Variants in ERGIC1 observed in about 807,000 individuals in gnomAD.
ERGIC1 encodes the protein endoplasmic reticulum-golgi intermediate compartment 1.
Under a neutral mutation model 38.3 loss-of-function variants are expected in ERGIC1, and 19 were observed. The ratio of observed to expected loss-of-function variants is 0.50; its 90% CI spans 0.35 to 0.73. The LOEUF (loss-of-function observed/expected upper bound fraction) is 0.73, where lower values mean the gene tolerates loss of function less well. ERGIC1 is among the 30% of genes least tolerant of loss of function. ERGIC1 has a pLI of 0.01. For synonymous variants in ERGIC1, 124 were observed against 157.6 expected (o/e 0.79, Z 1.60); for missense variants, 294 against 389.2 (o/e 0.76, Z 2.06).
chr5:172,917,191 T>C (rs1317142368), intron 5 of ERGIC1: 1 of 152,246 alleles, frequency 6.6e-6, no homozygotes, highest in Admixed American at 6.5e-5. Flanking sequence ...TTTCTAGACA[T>C]GGAAGCTTAG....
intron 9 of ERGIC1, among the ~76,000 whole-genome samples, chr5:172,949,666 A>AGGGC (rs1347291629): frequency 8.3e-6 from 1 of 120,976 alleles, no homozygotes; most frequent in African/African-American, 3.1e-5. Flanking sequence ...GGGGGGGGGT[A>AGGGC]TGATTGGCAT....
chr5:172,915,659 C>T (rs1317912880), intron 5 of ERGIC1: 1 of 470,998 alleles, frequency 2.1e-6, no homozygotes, highest in Non-Finnish European at 4.4e-6. Flanking sequence ...TGGAGCCTCT[C>T]AACAACGCTG....
chr5:172,889,433 A>G (rs756714399), intron 2 of ERGIC1, among the ~76,000 whole-genome samples: 3 of 152,070 alleles, frequency 2.0e-5, no homozygotes, highest in African/African-American at 7.2e-5. Context: ...TCTCATCCAG[A>G]CTTTGGGTTC....
Position 172,926,806 on chromosome 5 carries a change from G to A in ERGIC1, c.541+237G>A, listed in dbSNP as rs945123591. Reference sequence around the variant, plus strand: ...CCCGGGGCACAGCAGACGCACGCACGCAGTGGATACCAGCTATTACCATTA... The same window carrying A: ...CCCGGGGCACAGCAGACGCACGCACACAGTGGATACCAGCTATTACCATTA... On this transcript the variant is annotated intron_variant, in intron 7 of 9. Transcript: ENST00000393784. The surrounding 1 kb of genome is among the most constrained non-coding windows in gnomAD (Gnocchi z 5.2). The A allele has an allele frequency of 8.9e-6, 5 of 559,908 alleles. No homozygotes were observed. Among genetic ancestry groups the A allele is most frequent in the African/African-American group, 1.9e-5 (1 of 53,114 alleles). 34.7% of individuals were successfully genotyped at this position (559,908 alleles called of 1,614,324 possible).
At chr5:172,861,335 A>G (rs764579583) in intron 1 of ERGIC1, among the ~76,000 whole-genome samples, 5 of 152,070 alleles carry the variant, frequency 3.3e-5, no homozygotes, top group Non-Finnish European at 7.4e-5. Flanking sequence ...GCTCTGTCAG[A>G]CCCACGTGTT....
chr5:172,915,442 G>T (rs1180355476), intron 5 of ERGIC1: 1 of 408,180 alleles, frequency 2.4e-6, no homozygotes, highest in South Asian at 1.9e-5. Context: ...GCCAAGGGGA[G>T]TGAGATGAGG....
In ERGIC1 at chr5:172,897,012, C is replaced by T; in HGVS notation, c.93C>T (p.Cys31=). The change falls in exon 3 of 10, where the codon TGC becomes TGT. Residue 31 remains cysteine (C), a synonymous_variant. Coordinates refer to ENST00000393784, the MANE Select transcript of ERGIC1 (RefSeq NM_001031711.3). ...TGTTGTTTCTTCCAGTCTCCATCTG[C>T]TGCTGCCTCTTCATCCTCTTCCTCT... The part of the protein sequence containing the change: ...PTYTGAIISI[C]CCLFILFLFL... The T allele has an allele frequency of 6.2e-7, 1 of 1,614,176 alleles. No homozygotes were observed. Among genetic ancestry groups the T allele is most frequent in the Non-Finnish European group, 8.5e-7 (1 of 1,180,014 alleles).
chr5:172,858,136 T>C (rs1761602376), intron 1 of ERGIC1, among the ~76,000 whole-genome samples: 1 of 152,160 alleles, frequency 6.6e-6, no homozygotes, highest in South Asian at 2.1e-4. Flanking sequence ...TTGACGGCTG[T>C]CTGAAAGGTG....
chr5:172,879,808 T>C lies in ERGIC1; in HGVS notation c.21-8891T>C, dbSNP rs1010073908. ...CAGAGCTTCCCAGCCTCAACCCTATTGACACTTGGGGCTGGTCATTCTTTG... is the reference window on the plus strand; with the variant it reads ...CAGAGCTTCCCAGCCTCAACCCTATCGACACTTGGGGCTGGTCATTCTTTG... On this transcript the variant is annotated intron_variant, in intron 1 of 9. Coordinates refer to ENST00000393784, the MANE Select transcript of ERGIC1 (RefSeq NM_001031711.3). Among the ~76,000 whole-genome samples, 3 of 152,200 alleles carry C rather than the reference T, an allele frequency of 2.0e-5. No homozygotes were observed. In the East Asian group the frequency reaches 5.8e-4, roughly 29 times the overall value.
At chr5:172,940,103 C>T (rs996524284) in intron 9 of ERGIC1, among the ~76,000 whole-genome samples, 1 of 151,894 alleles carries the variant, frequency 6.6e-6, no homozygotes, top group East Asian at 1.9e-4. Flanking sequence ...GGCTGGGAGG[C>T]AGCTGTGGGT....
intron 1 of ERGIC1, among the ~76,000 whole-genome samples, chr5:172,869,282 C>T (rs986203668): frequency 2.6e-5 from 4 of 152,210 alleles, no homozygotes; most frequent in Non-Finnish European, 5.9e-5. Flanking sequence ...GGAGGCTGGC[C>T]TCACCCCTGC....
intron 1 of ERGIC1, among the ~76,000 whole-genome samples, chr5:172,871,256 C>T (rs1339872518): frequency 6.6e-6 from 1 of 152,210 alleles, no homozygotes; most frequent in South Asian, 2.1e-4. Context: ...AGACCTCTGA[C>T]CTCACTGGCC....
intron 9 of ERGIC1, among the ~76,000 whole-genome samples, chr5:172,944,884 C>T (rs1764088988): frequency 6.6e-6 from 1 of 152,236 alleles, no homozygotes; most frequent in African/African-American, 2.4e-5. Flanking sequence ...ACCTTTTCAT[C>T]AGCACTGCCT....
At chr5:172,912,720 A>G (rs1168529757) in intron 4 of ERGIC1, among the ~76,000 whole-genome samples, 2 of 151,668 alleles carry the variant, frequency 1.3e-5, no homozygotes, top group Admixed American at 6.6e-5. Context: ...AGGCACTTAG[A>G]AGAGAGTCTA....
rs765431454 is a variant in ERGIC1 at position 172,932,547 on chromosome 5, G to A, written c.642+11G>A. On this transcript the variant is annotated intron_variant, in intron 8 of 9. Coordinates refer to ENST00000393784, the MANE Select transcript of ERGIC1 (RefSeq NM_001031711.3). Reference sequence around the variant, plus strand: ...ACGGTGGCCAACAAGGTGCGCGGGCGGTGGCTGGGCCGAGCTGTGTGCGGC... The same window carrying A: ...ACGGTGGCCAACAAGGTGCGCGGGCAGTGGCTGGGCCGAGCTGTGTGCGGC... 35 of 1,613,182 alleles carry A rather than the reference G, an allele frequency of 2.2e-5. No individual in the cohort carries two copies. Among genetic ancestry groups the A allele is most frequent in the Non-Finnish European group, 2.9e-5 (34 of 1,179,460 alleles).
chr5:172,908,520 G>A (rs1416938451), intron 3 of ERGIC1, among the ~76,000 whole-genome samples: 3 of 151,806 alleles, frequency 2.0e-5, no homozygotes, highest in East Asian at 2.0e-4. Context: ...AGGTTGGAGT[G>A]AGCCGAGATC....
chr5:172,937,796 G>A (rs1048411881), intron 9 of ERGIC1: 1 of 152,042 alleles, frequency 6.6e-6, no homozygotes, highest in Non-Finnish European at 1.5e-5. Context: ...CTGAGGTCAG[G>A]AGTTCAAGAC....
intron 9 of ERGIC1, among the ~76,000 whole-genome samples, chr5:172,946,392 C>G (rs1484037662): frequency 6.6e-6 from 1 of 152,244 alleles, no homozygotes; most frequent in African/African-American, 2.4e-5. Flanking sequence ...GCCCTCCCCT[C>G]CGTGAGTTCC....
intron 1 of ERGIC1, among the ~76,000 whole-genome samples, chr5:172,873,582 C>T (rs1175430270): frequency 6.6e-6 from 1 of 152,340 alleles, no homozygotes; most frequent in East Asian, 1.9e-4. Context: ...GCGATGAGTA[C>T]AGAGAGCCAA....
Sources: gnomAD v4.1 joint callset for allele counts (sites outside exome capture counted in the v4.1 genomes callset) on GRCh38, gnomAD v4.1.1 for gene constraint, Gnocchi (gnomAD v3.1) non-coding constraint, MANE v1.5 for transcripts, NCBI Gene and HGNC (gene_info 2026-07-23, HGNC 2026-07-21) for gene names.